Variants in CHLSN observed in about 807,000 individuals in gnomAD.
The protein encoded by CHLSN is protein cholesin.
At chr7:985,458 G>C in the CHLSN span, 1 of 1,048,124 alleles carries the variant, frequency 9.5e-7, no homozygotes. Context: ...TCAGATGCAA[G>C]GGCCTGAATC....
the CHLSN span, among the ~76,000 whole-genome samples, chr7:1,116,266 C>T: frequency 1.4e-5 from 2 of 146,160 alleles, no homozygotes; most frequent in Non-Finnish European, 3.0e-5. Context: ...TACGGACCGG[C>T]TTCCATCACC....
chr7:1,044,047 C>G, the CHLSN span, among the ~76,000 whole-genome samples: 3 of 152,244 alleles, frequency 2.0e-5, no homozygotes, highest in Non-Finnish European at 4.4e-5. Flanking sequence ...TTTCTTTAAA[C>G]GGCTTTCCTG....
chr7:1,028,862 TC>T, the CHLSN span: 2 of 704,184 alleles, frequency 2.8e-6, no homozygotes, highest in Non-Finnish European at 3.3e-6. Flanking sequence ...GTCTGCCATC[TC>T]CCCAATCTGC....
At chr7:1,084,539 G>A in the CHLSN span, among the ~76,000 whole-genome samples, 3 of 152,354 alleles carry the variant, frequency 2.0e-5, no homozygotes, top group East Asian at 1.9e-4. Context: ...GGGGAGAAGC[G>A]AATGAGCCAG....
At chr7:1,015,956 T>C in the CHLSN span, among the ~76,000 whole-genome samples, 2 of 152,140 alleles carry the variant, frequency 1.3e-5, no homozygotes, top group Non-Finnish European at 2.9e-5. Context: ...TCAGTGACCC[T>C]GGACCGGCGT....
chr7:987,588 G>T, the CHLSN span: 1 of 1,425,712 alleles, frequency 7.0e-7, no homozygotes, highest in South Asian at 1.4e-5. Context: ...CTCGGCGGGG[G>T]TCCAGGGGCA....
chr7:1,057,662 G>A, the CHLSN span: 64 of 771,364 alleles, frequency 8.3e-5, no homozygotes, highest in African/African-American at 1.1e-3. Flanking sequence ...CCCTGCTGGT[G>A]CTGGCCAACC....
At chr7:1,058,673 T>C in the CHLSN span, 6 of 610,918 alleles carry the variant, frequency 9.8e-6, no homozygotes, top group African/African-American at 1.1e-4. Flanking sequence ...CAAATGCCAC[T>C]CTTGGGCCAA....
the CHLSN span, among the ~76,000 whole-genome samples, chr7:980,975 A>G: frequency 6.6e-6 from 1 of 151,890 alleles, no homozygotes; most frequent in Non-Finnish European, 1.5e-5. Context: ...TTACAGGCAT[A>G]AGCCACTGCG....
At chr7:992,774 G>T in the CHLSN span, among the ~76,000 whole-genome samples, 2 of 152,262 alleles carry the variant, frequency 1.3e-5, no homozygotes, top group Admixed American at 1.3e-4. Flanking sequence ...AGACACTGGA[G>T]GGCTGGGTGG....
chr7:1,101,433 G>T, the CHLSN span, among the ~76,000 whole-genome samples: 2 of 151,918 alleles, frequency 1.3e-5, no homozygotes, highest in African/African-American at 4.9e-5. Flanking sequence ...TCGGACCAGG[G>T]GCTGGCTCTG....
chr7:1,009,463 C>T, the CHLSN span, among the ~76,000 whole-genome samples: 1 of 151,942 alleles, frequency 6.6e-6, no homozygotes, highest in Admixed American at 6.6e-5. Context: ...AGCCACGCCG[C>T]AGGCACCATC....
the CHLSN span, among the ~76,000 whole-genome samples, chr7:1,080,679 A>T: frequency 6.6e-6 from 1 of 152,272 alleles, no homozygotes; most frequent in African/African-American, 2.4e-5. Flanking sequence ...AGAAATGATC[A>T]TCTGAAAACT....
At chr7:1,099,933 C>A in the CHLSN span, among the ~76,000 whole-genome samples, 1 of 152,176 alleles carries the variant, frequency 6.6e-6, no homozygotes, top group East Asian at 1.9e-4. Flanking sequence ...TAATACCGTG[C>A]GGCAGATGCA....
chr7:1,063,481 T>G, the CHLSN span, among the ~76,000 whole-genome samples: 1 of 152,206 alleles, frequency 6.6e-6, no homozygotes, highest in Non-Finnish European at 1.5e-5. Context: ...AATTCACTGG[T>G]CCACTCTGCT....
chr7:990,941 G>A, the CHLSN span, among the ~76,000 whole-genome samples: 52 of 152,158 alleles, frequency 3.4e-4, no homozygotes, highest in South Asian at 3.7e-3. Context: ...TGGGGTGGAG[G>A]ACTCAGGCCC....
chr7:1,038,592 G>T, the CHLSN span, among the ~76,000 whole-genome samples: 1 of 88,828 alleles, frequency 1.1e-5, no homozygotes, highest in African/African-American at 4.8e-5. Context: ...GCCTCTGCCC[G>T]GCCGCCCCTA....
chr7:1,033,415 G>A, the CHLSN span, among the ~76,000 whole-genome samples: 4 of 152,022 alleles, frequency 2.6e-5, no homozygotes, highest in East Asian at 1.9e-4. Flanking sequence ...AAAATTAGCC[G>A]GGTGTGGTGG....
chr7:1,011,483 A>G, the CHLSN span, among the ~76,000 whole-genome samples: 1 of 141,808 alleles, frequency 7.1e-6, no homozygotes, highest in South Asian at 2.3e-4. Context: ...ACACCCAGAC[A>G]CACCTTCACA....
Sources: allele counts gnomAD v4.1 joint callset (sites outside exome capture counted in the v4.1 genomes callset), GRCh38; gene constraint gnomAD v4.1.1; transcripts MANE v1.5; gene names NCBI Gene and HGNC (gene_info 2026-07-23, HGNC 2026-07-21).